The following CTSH variants were observed in gnomAD, a reference collection of about 807,000 sequenced individuals.
CTSH encodes pro-cathepsin H.
CTSH carries 52 observed loss-of-function variants against 56.3 expected under a neutral mutation model. That is an observed-to-expected ratio of 0.92 (90% CI 0.74 to 1.16). The LOEUF (loss-of-function observed/expected upper bound fraction) is 1.16. Among genes scored for constraint, CTSH ranks in the 50% most tolerant of loss-of-function variants. The probability of loss-of-function intolerance (pLI) is 0.00; values close to 1 mark genes in which losing one functional copy is unlikely to be tolerated. For synonymous variants in CTSH, 174 were observed against 155.7 expected, an observed-to-expected ratio of 1.12 and a Z score of -0.88; for missense variants, 406 against 424.5, an observed-to-expected ratio of 0.96 and a Z score of 0.38.
rs1031669390 is a variant in CTSH, at chr15:78,931,607, G to A, written c.493-101C>T. The A allele has an allele frequency of 6.9e-6, 11 of 1,593,140 alleles. No homozygotes were observed. In the African/African-American group the frequency reaches 8.1e-5, roughly 12 times the overall value. On this transcript the variant is annotated intron_variant, in intron 6 of 11. Transcript: ENST00000220166. ...CTGGCTGAGCCACATCTGAGGCCCC[G>A]TCAGTGCTGTGTCAAGGTGACCAAA...
At chr15:78,927,671 A>C in intron 9 of CTSH, 42 bp downstream of exon 9, 1 of 1,586,712 alleles carries the variant, frequency 6.3e-7, no homozygotes, top group Non-Finnish European at 8.7e-7. Context: ...AGGCCTCCTC[A>C]TCAGGACACA....
chr15:78,942,798 G>A (rs1280081151), intron 1 of CTSH, among the ~76,000 whole-genome samples: 3 of 152,108 alleles, frequency 2.0e-5, no homozygotes, highest in Non-Finnish European at 4.4e-5. Context: ...ACTCTCTGCC[G>A]GCATCACTTG....
rs180805144 is a variant in CTSH at position 78,921,956 on chromosome 15, C to A, written c.*174G>T. The A allele has an allele frequency of 1.0e-3, 631 of 612,020 alleles. 2 individuals are homozygous for A. The highest frequency in any genetic ancestry group is 1.4e-3 in the Non-Finnish European group (478 of 346,046). 37.9% of individuals were successfully genotyped at this position (612,020 alleles called of 1,614,324 possible). The stretch of plus-strand genomic sequence containing the variant: ...TTTGCGTCATAGACACGGGTGAGCT[C>A]ATGGTGGAACTCCTCCTTGTCTGTA... On this transcript the variant is annotated 3_prime_UTR_variant, in exon 12 of 12. Coordinates refer to ENST00000220166, the MANE Select transcript of CTSH (RefSeq NM_004390.5).
intron 11 of CTSH, 96 bp from the exon 12 acceptor site, chr15:78,922,301 T>TGAGA (rs2054787916): frequency 1.1e-6 from 1 of 919,950 alleles, no homozygotes. Context: ...ACTTCAGGGG[T>TGAGA]GAGACCCTCT....
chr15:78,935,029 A>C lies in CTSH; in HGVS notation c.354T>G (p.Pro118=). The change falls in exon 5 of 12, where the codon CCT becomes CCG. Residue 118 remains proline, a synonymous_variant. Coordinates refer to ENST00000220166, the MANE Select transcript of CTSH (RefSeq NM_004390.5). ...NYLRGTGPYP[P]SVDWRKKGNF... ...TTCCTTTTTTCCGCCAGTCCACGGA[A>C]GGTGGGTAGGGACCAGTACCTCGAA... 6.2e-7 allele frequency: 1 copy of C among 1,614,196 alleles called. No individual in the cohort carries two copies. The highest frequency in any genetic ancestry group is 8.5e-7 in the Non-Finnish European group (1 of 1,180,022).
At chr15:78,934,190 G>C (rs961886374) in intron 5 of CTSH, among the ~76,000 whole-genome samples, 2 of 152,220 alleles carry the variant, frequency 1.3e-5, no homozygotes, top group Non-Finnish European at 2.9e-5. Flanking sequence ...AAGCCCGGGA[G>C]GCTTTAAAGC....
chr15:78,924,725 T>G (rs1234133041), intron 10 of CTSH, among the ~76,000 whole-genome samples: 1 of 151,488 alleles, frequency 6.6e-6, no homozygotes, highest in Non-Finnish European at 1.5e-5. Context: ...AGCTTTGCTC[T>G]GTCACCAAGG....
intron 8 of CTSH, 51 bp downstream of exon 8, chr15:78,929,361 A>G: frequency 7.1e-7 from 1 of 1,403,456 alleles, no homozygotes; most frequent in Non-Finnish European, 1.0e-6. Flanking sequence ...GAGGGAGTGA[A>G]GCTAGGCATG....
At chr15:78,924,395 G>A (rs2054854377) in intron 10 of CTSH, among the ~76,000 whole-genome samples, 2 of 152,106 alleles carry the variant, frequency 1.3e-5, no homozygotes, top group South Asian at 4.1e-4. Context: ...AGTGTGTGGG[G>A]GGTTAGGGGG....
At chr15:78,927,803 T>G in intron 8 of CTSH, 22 bp from the exon 9 acceptor site, 2 of 1,609,872 alleles carry the variant, frequency 1.2e-6, no homozygotes, top group Non-Finnish European at 1.7e-6. Flanking sequence ...GCAAAGGGCA[T>G]GAAATACAGG....
In CTSH at chr15:78,924,707, T is replaced by G. The variant is rs553359401; in HGVS notation, c.806+627A>C. ...AAACATGGGTATTTTTTTTTTTTTC[T>G]GAGACAGAGCTTTGCTCTGTCACCA... is the stretch of plus-strand genomic sequence containing the variant. On this transcript the variant is annotated intron_variant, in intron 10 of 11. Coordinates refer to ENST00000220166, the MANE Select transcript of CTSH (RefSeq NM_004390.5). 1.0e-4 allele frequency among the ~76,000 whole-genome samples: 15 copies of G among 145,554 alleles called. No individual in the cohort carries two copies. The East Asian group carries it at 3.0e-3, about 29-fold the overall frequency.
At chr15:78,925,500 G>T in intron 9 of CTSH, 60 bp from the exon 10 acceptor site, 1 of 1,191,358 alleles carries the variant, frequency 8.4e-7, no homozygotes, top group Non-Finnish European at 1.2e-6. Context: ...TCCTTTCACA[G>T]TACAGCCTTT....
intron 2 of CTSH, among the ~76,000 whole-genome samples, 158 bp downstream of exon 2, chr15:78,938,982 A>C (rs1342163939): frequency 1.3e-5 from 2 of 152,256 alleles, no homozygotes; most frequent in African/African-American, 4.8e-5. Context: ...ACTTAACTGC[A>C]TCTTTCCCAG....
At chr15:78,934,936 G>A (rs1404769096) in intron 5 of CTSH, 42 bp downstream of exon 5, 1 of 1,287,900 alleles carries the variant, frequency 7.8e-7, no homozygotes, top group Non-Finnish European at 1.1e-6. Context: ...GTCTGGGAGT[G>A]TGGCCGTTTT....
At chr15:78,943,867 G>A (rs564948971) in intron 1 of CTSH, among the ~76,000 whole-genome samples, 71 of 152,326 alleles carry the variant, frequency 4.7e-4, no homozygotes, top group Middle Eastern at 3.4e-3. Flanking sequence ...CCTCGCTTGC[G>A]GCAGCTAGGT....
intron 1 of CTSH, 44 bp downstream of exon 1, chr15:78,944,847 T>A (rs1333590899): frequency 6.5e-7 from 1 of 1,535,362 alleles, no homozygotes. Flanking sequence ...GCGTCCACTC[T>A]AGGGCCTGCT....
intron 1 of CTSH, among the ~76,000 whole-genome samples, chr15:78,943,786 C>A (rs1017864678): frequency 6.6e-6 from 1 of 152,246 alleles, no homozygotes; most frequent in Non-Finnish European, 1.5e-5. Flanking sequence ...TCTGGTCTTT[C>A]ACAGAAAAAG....
chr15:78,942,278 C>T (rs927209286), intron 1 of CTSH, among the ~76,000 whole-genome samples: 5 of 147,882 alleles, frequency 3.4e-5, no homozygotes, highest in Non-Finnish European at 5.9e-5. Context: ...GGCAGTGGCA[C>T]GATATCAGCT....
At position 78,932,220 on chromosome 15, in the gene CTSH, A is replaced by T. The variant is rs1201488333; in HGVS notation, c.492+152T>A. On this transcript the variant is annotated intron_variant, in intron 6 of 11. Coordinates refer to ENST00000220166, the MANE Select transcript of CTSH (RefSeq NM_004390.5). ...CTTCCCGGGAAAAGCATCAATTGAG[A>T]TTCTCATGCCAGATGTCCACAAGGC... 3 of 818,720 alleles carry T rather than the reference A, an allele frequency of 3.7e-6. No individual in the cohort carries two copies. In the East Asian group the frequency reaches 8.1e-5, roughly 22 times the overall value. The allele number at this position is 818,720 out of a possible 1,614,324, so 50.7% of individuals were successfully genotyped here. A position where few individuals can be genotyped will look rare whatever the true frequency, so the allele number is the denominator to read the frequency against.
Sources: allele counts gnomAD v4.1 joint callset (sites outside exome capture counted in the v4.1 genomes callset), GRCh38; gene constraint gnomAD v4.1.1; transcripts MANE v1.5; gene names NCBI Gene and HGNC (gene_info 2026-07-23, HGNC 2026-07-21).